The following AK5 variants were observed in gnomAD, a reference collection of about 807,000 sequenced individuals.
The protein encoded by AK5 is adenylate kinase isoenzyme 5.
Under a neutral mutation model 69.5 loss-of-function variants are expected in AK5, and 27 were observed. That is an observed-to-expected ratio of 0.39 (90% CI 0.29 to 0.54). AK5 has a LOEUF of 0.54. AK5 is among the 20% of genes least tolerant of loss of function. AK5 has a pLI of 0.71. For missense variants in AK5, 531 were observed against 700.4 expected, an observed-to-expected ratio of 0.76 and a Z score of 2.73; for synonymous variants, 260 against 244.4, an observed-to-expected ratio of 1.06 and a Z score of -0.60.
At chr1:77,374,101 A>C (rs1276633405) in intron 6 of AK5, among the ~76,000 whole-genome samples, 1 of 152,146 alleles carries the variant, frequency 6.6e-6, no homozygotes, top group East Asian at 1.9e-4. Context: ...GTCCGTAAGA[A>C]CTCACCTGAA....
chr1:77,501,725 A>T (rs548223663), intron 10 of AK5, among the ~76,000 whole-genome samples: 7 of 152,318 alleles, frequency 4.6e-5, no homozygotes, highest in African/African-American at 1.4e-4. Context: ...TAAGGGTGGA[A>T]GGATGCAAAT....
chr1:77,546,431 A>G (rs6667803), intron 13 of AK5, among the ~76,000 whole-genome samples: 95,951 of 152,040 alleles, frequency 0.63, 32,564 homozygotes, highest in Non-Finnish European at 0.75. Flanking sequence ...TTGGGAATTC[A>G]TAGGAAAAAG....
intron 6 of AK5, among the ~76,000 whole-genome samples, chr1:77,367,649 A>G (rs1309186919): frequency 2.1e-5 from 2 of 94,538 alleles, no homozygotes; most frequent in African/African-American, 8.9e-5. Flanking sequence ...GTTATGTTAT[A>G]TATGTTATAT....
chr1:77,555,226 TGAG>T (rs1281093780), intron 13 of AK5, among the ~76,000 whole-genome samples: 1 of 152,126 alleles, frequency 6.6e-6, no homozygotes, highest in Non-Finnish European at 1.5e-5. Flanking sequence ...TGCAGTGAGC[TGAG>T]ATCGTGCCAC....
intron 8 of AK5, among the ~76,000 whole-genome samples, chr1:77,437,746 G>A (rs552806636): frequency 1.9e-4 from 29 of 152,160 alleles, no homozygotes; most frequent in African/African-American, 6.7e-4. Context: ...TTGATTAGTC[G>A]ATGCAGGCAG....
chr1:77,470,875 ATTTT>A (rs149758544), intron 8 of AK5, among the ~76,000 whole-genome samples: 3 of 74,968 alleles, frequency 4.0e-5, no homozygotes, highest in African/African-American at 2.0e-4. Context: ...ATATATATAT[ATTTT>A]TTTTTTTTTT....
intron 5 of AK5, among the ~76,000 whole-genome samples, chr1:77,335,323 C>A (rs186822122): frequency 6.7e-6 from 1 of 149,314 alleles, no homozygotes; most frequent in South Asian, 2.1e-4. Flanking sequence ...GCAGGAGAAA[C>A]AATATCAATA....
intron 8 of AK5, among the ~76,000 whole-genome samples, chr1:77,470,878 T>TTA (rs1654463640): frequency 1.5e-5 from 1 of 68,768 alleles, no homozygotes; most frequent in South Asian, 7.0e-4. Flanking sequence ...TATATATATT[T>TTA]TTTTTTTTTT....
intron 10 of AK5, among the ~76,000 whole-genome samples, chr1:77,510,957 T>C (rs1253672514): frequency 6.7e-6 from 1 of 149,914 alleles, no homozygotes; most frequent in Admixed American, 6.7e-5. Context: ...ATAATTTCCC[T>C]GCTTTGTCTC....
chr1:77,470,844 TATATATATATATATA>T (rs1654421458), intron 8 of AK5, among the ~76,000 whole-genome samples: 9 of 3,900 alleles, frequency 2.3e-3, no homozygotes, highest in Non-Finnish European at 3.2e-3. Flanking sequence ...TATATATATA[TATATATATATATATA>T]TATATATATA....
At chr1:77,315,679 G>A (rs190867250) in intron 5 of AK5, among the ~76,000 whole-genome samples, 1 of 152,236 alleles carries the variant, frequency 6.6e-6, no homozygotes, top group East Asian at 1.9e-4. Context: ...CACAAAATAT[G>A]TAGCTCCTAT....
chr1:77,287,054 A>G lies in AK5; in HGVS notation c.174A>G (p.Thr58=), dbSNP rs375338556. 2 of 1,610,156 alleles carry G rather than the reference A, an allele frequency of 1.2e-6. No homozygotes were observed. The highest frequency in any genetic ancestry group is 1.7e-6 in the Non-Finnish European group (2 of 1,178,090). The change falls in exon 2 of 14, where the codon ACA becomes ACG. Residue 58 remains threonine, a synonymous_variant. Coordinates refer to ENST00000354567, the MANE Select transcript of AK5 (RefSeq NM_174858.3). Reference sequence around the variant, plus strand: ...GCTGTGACAAGGTGAAATGGGATACATTTGTAAGCCAGGAAAAGAAGACCT... The same window carrying G: ...GCTGTGACAAGGTGAAATGGGATACGTTTGTAAGCCAGGAAAAGAAGACCT... ...LGGCDKVKWD[T]FVSQEKKTLP...
intron 12 of AK5, among the ~76,000 whole-genome samples, chr1:77,527,320 A>C (rs911825469): frequency 1.3e-5 from 2 of 152,208 alleles, no homozygotes; most frequent in Non-Finnish European, 2.9e-5. Context: ...TCAGAGCTCT[A>C]TGCAGCCCAT....
chr1:77,540,076 C>T (rs1234680378), intron 13 of AK5, among the ~76,000 whole-genome samples: 2 of 152,242 alleles, frequency 1.3e-5, no homozygotes, highest in East Asian at 3.8e-4. Context: ...ATCTGACACC[C>T]TCCATCCCCC....
At chr1:77,414,509 G>A (rs1056425952) in intron 7 of AK5, among the ~76,000 whole-genome samples, 11 of 152,208 alleles carry the variant, frequency 7.2e-5, no homozygotes, top group African/African-American at 2.6e-4. Context: ...TTAGCCTCTG[G>A]TACCTCTAAA....
chr1:77,447,128 A>G (rs1652801627), intron 8 of AK5, among the ~76,000 whole-genome samples: 1 of 152,260 alleles, frequency 6.6e-6, no homozygotes, highest in African/African-American at 2.4e-5. Context: ...TACTTGCCAC[A>G]GTTGGTTCAG....
intron 6 of AK5, among the ~76,000 whole-genome samples, chr1:77,372,042 C>T (rs573626453): frequency 1.3e-5 from 2 of 152,174 alleles, no homozygotes; most frequent in East Asian, 1.9e-4. Flanking sequence ...AATCTTTTTC[C>T]CAATTCTTAC....
chr1:77,450,204 A>G (rs549752554), intron 8 of AK5, among the ~76,000 whole-genome samples: 1 of 152,308 alleles, frequency 6.6e-6, no homozygotes, highest in East Asian at 1.9e-4. Flanking sequence ...TGTTAAAGCC[A>G]TTCAACAAGT....
At chr1:77,442,444 G>A (rs1570135443) in intron 8 of AK5, among the ~76,000 whole-genome samples, 1 of 152,138 alleles carries the variant, frequency 6.6e-6, no homozygotes, top group East Asian at 1.9e-4. Context: ...GGTAAGGACT[G>A]TAGGTATCCA....
Sources: gnomAD v4.1 joint callset for allele counts (sites outside exome capture counted in the v4.1 genomes callset) on GRCh38, gnomAD v4.1.1 for gene constraint, MANE v1.5 for transcripts, NCBI Gene and HGNC (gene_info 2026-07-23, HGNC 2026-07-21) for gene names.